Variants in ENO1 observed in about 807,000 individuals in gnomAD.
ENO1 encodes alpha-enolase.
In ENO1, 33 loss-of-function variants were observed where a neutral mutation model predicts 46.3. The ratio of observed to expected loss-of-function variants is 0.71; its 90% confidence interval spans 0.54 to 0.95. ENO1 has a LOEUF of 0.95. Among genes scored for constraint, ENO1 ranks in the 40% least tolerant of loss-of-function variants. ENO1 has a pLI of 0.00. For synonymous variants in ENO1, 220 were observed against 216.0 expected (o/e 1.02, Z -0.16); for missense variants, 488 against 553.3 (o/e 0.88, Z 1.18).
At chr1:8,863,127 T>C in intron 10 of ENO1, 108 bp downstream of exon 10, 7 of 1,404,622 alleles carry the variant, frequency 5.0e-6, no homozygotes, top group Non-Finnish European at 6.8e-6. Context: ...ACAAGAGCAC[T>C]GACTCAGGGG....
intron 1 of ENO1, among the ~76,000 whole-genome samples, chr1:8,875,270 A>T (rs1022798904): frequency 3.3e-5 from 5 of 152,146 alleles, no homozygotes; most frequent in African/African-American, 7.2e-5. Context: ...AAATGGGTTA[A>T]ACCCTAGCAA....
intron 3 of ENO1, 139 bp from the exon 4 acceptor site, chr1:8,870,649 T>G (rs905233792): frequency 1.2e-5 from 18 of 1,503,944 alleles, no homozygotes; most frequent in Non-Finnish European, 1.6e-5. Context: ...CCCTCTCCCC[T>G]TTCCCCCCAG....
intron 11 of ENO1, among the ~76,000 whole-genome samples, chr1:8,862,593 A>C (rs565079229): frequency 1.7e-4 from 26 of 152,354 alleles, no homozygotes; most frequent in African/African-American, 5.8e-4. Context: ...TGAAAGCTCT[A>C]AGAAAGTCAT....
chr1:8,870,642 TCTCCCCTTTCCCCCC>T, intron 3 of ENO1, 132 bp from the exon 4 acceptor site: 1 of 1,511,478 alleles, frequency 6.6e-7, no homozygotes, highest in Non-Finnish European at 8.9e-7. Context: ...CTCTTCCCCC[TCTCCCCTTTCCCCCC>T]AGAATCGGAG....
Position 8,866,366 on chromosome 1 carries a change from T to C in ENO1, c.580A>G (p.Asn194Asp). Residue 194 changes from asparagine to aspartate, a missense_variant, in exon 7 of 12, where the codon AAT becomes GAT. Physicochemically the swap from Asn to Asp is conservative, Grantham distance 23. Transcript: ENST00000234590. ...TTCCCATATTTCTCCTTGATGACAT[T>C]CTTCAGGTTGTGGTAAACCTCTGCT... is the stretch of plus-strand genomic sequence containing the variant. ...IGAEVYHNLK[N>D]VIKEKYGKDA... is the part of the protein sequence containing the mutation. The C allele has an allele frequency of 1.2e-6, 2 of 1,614,192 alleles. No homozygotes were observed. The highest frequency in any genetic ancestry group is 1.3e-5 in the African/African-American group (1 of 75,054).
intron 7 of ENO1, 169 bp downstream of exon 7, chr1:8,866,110 A>G: frequency 1.8e-6 from 1 of 567,968 alleles, no homozygotes; most frequent in Non-Finnish European, 3.0e-6. Flanking sequence ...AATAAGTAAA[A>G]TAAAATGAAG....
At position 8,863,140 on chromosome 1, in the gene ENO1, A is replaced by G. The variant is rs148231787; in HGVS notation, c.1176+95T>C. On this transcript the variant is annotated intron_variant, in intron 10 of 11. Transcript: ENST00000234590. Reference sequence around the variant, plus strand: ...AAACAAGAGCACTGACTCAGGGGACATGAGCAAAACGGGGACAGACATGGA... The same window carrying G: ...AAACAAGAGCACTGACTCAGGGGACGTGAGCAAAACGGGGACAGACATGGA... 475 of 1,463,306 alleles carry G rather than the reference A, an allele frequency of 3.2e-4. No homozygotes were observed. The African/African-American group carries it at 6.1e-3, about 19-fold the overall frequency. 90.6% of individuals were successfully genotyped at this position (1,463,306 alleles called of 1,614,324 possible).
At position 8,861,448 on chromosome 1, in the gene ENO1, A is replaced by G. The variant is rs375928157; in HGVS notation, c.1236-19T>C. ...TTCAATTCTTGGGAAGGAGAAAGGT[A>G]AAGAGATGGGGAGGAAAAAAGAAAA... On this transcript the variant is annotated intron_variant, in intron 11 of 11. Coordinates refer to ENST00000234590, the MANE Select transcript of ENO1 (RefSeq NM_001428.5). The G allele has an allele frequency of 1.4e-5, 22 of 1,613,870 alleles. No homozygotes were observed. In the Middle Eastern group the frequency reaches 8.2e-4, roughly 60 times the overall value.
rs1396357518 is a variant in ENO1 at position 8,861,387 on chromosome 1, C to G, written c.1278G>C (p.Arg426Ser). The change falls in exon 12 of 12, where the codon AGG (arginine) becomes AGC (serine). Residue 426 changes from arginine to serine, a missense_variant. By Grantham distance (110) the Arg-to-Ser change is moderately radical (BLOSUM62 -1). Coordinates refer to ENST00000234590, the MANE Select transcript of ENO1 (RefSeq NM_001428.5). ...ELGSKAKFAGRNFRNPLAK is the reference protein window; with the variant it reads ...ELGSKAKFAGSNFRNPLAK ...ACTTGGCCAAGGGGTTTCTGAAGTT[C>G]CTGCCGGCAAACTTAGCCTTGCTGC... 1.2e-6 allele frequency: 2 copies of G among 1,614,062 alleles called. No homozygotes were observed. The highest frequency in any genetic ancestry group is 4.5e-5 in the East Asian group (2 of 44,890).
Position 8,874,868 on chromosome 1 carries a change from G to C in ENO1, c.41C>G (p.Ser14Cys). The change falls in exon 2 of 12, where the codon TCT becomes TGT. Residue 14 changes from serine (S) to cysteine (C), a missense_variant. Ser to Cys is a moderately radical substitution (Grantham distance 112). Coordinates refer to ENST00000234590, the MANE Select transcript of ENO1 (RefSeq NM_001428.5). ...AACCTCAACAGTGGGATTCCCGCGA[G>C]AGTCAAAGATCTCCCTGGCATGGAT... ...LKIHAREIFD[S>C]RGNPTVEVDL... is the part of the protein sequence containing the mutation. The C allele has an allele frequency of 6.2e-7, 1 of 1,613,868 alleles. No individual in the cohort carries two copies. Among genetic ancestry groups the C allele is most frequent in the Non-Finnish European group, 8.5e-7 (1 of 1,179,862 alleles).
intron 1 of ENO1, among the ~76,000 whole-genome samples, chr1:8,877,094 A>T (rs1642750881): frequency 2.0e-5 from 3 of 151,662 alleles, no homozygotes; most frequent in African/African-American, 7.3e-5. Flanking sequence ...AGTAGCTGGG[A>T]CTACAGGCGC....
rs1569899370 is a variant in ENO1 at position 8,865,436 on chromosome 1, A to T, written c.714T>A (p.Asp238Glu). ...CTACGTCCATGCCGATGACCACCTT[A>T]TCAGTGTAGCCAGCTTTCCCAATAG... The part of the protein sequence containing the change: ...KTAIGKAGYT[D>E]KVVIGMDVAA... Residue 238 changes from aspartate (D) to glutamate (E), a missense_variant, in exon 8 of 12, where the codon GAT (aspartate) becomes GAA (glutamate). Transcript: ENST00000234590. The T allele has an allele frequency of 6.2e-7, 1 of 1,613,800 alleles. No homozygotes were observed.
intron 4 of ENO1, among the ~76,000 whole-genome samples, chr1:8,869,970 G>A (rs745981081): frequency 1.3e-5 from 2 of 152,202 alleles, no homozygotes; most frequent in African/African-American, 2.4e-5. Context: ...CTGCAGAGTC[G>A]GGTGGGTTGC....
chr1:8,873,153 G>A (rs1013107607), intron 2 of ENO1, among the ~76,000 whole-genome samples: 5 of 152,206 alleles, frequency 3.3e-5, no homozygotes, highest in African/African-American at 7.2e-5. Context: ...ATGAAAACAA[G>A]AGGCTTGGAG....
At chr1:8,861,474 G>C (rs965386204) in intron 11 of ENO1, 45 bp from the exon 12 acceptor site, 1 of 1,606,864 alleles carries the variant, frequency 6.2e-7, no homozygotes, top group African/African-American at 1.3e-5. Context: ...AAAAAGAAAA[G>C]TCAGACCTCA....
chr1:8,865,260 G>T, intron 8 of ENO1, 25 bp downstream of exon 8: 2 of 1,611,890 alleles, frequency 1.2e-6, no homozygotes, highest in Non-Finnish European at 1.7e-6. Flanking sequence ...GCAGGAAAGG[G>T]AGATGGCACT....
intron 11 of ENO1, among the ~76,000 whole-genome samples, chr1:8,862,430 G>A (rs1481983497): frequency 6.6e-6 from 1 of 152,224 alleles, no homozygotes. Flanking sequence ...CAAGGACACA[G>A]ACAGGAAAGG....
At chr1:8,868,611 C>A (rs1400443327) in intron 4 of ENO1, among the ~76,000 whole-genome samples, 5 of 152,182 alleles carry the variant, frequency 3.3e-5, no homozygotes, top group Non-Finnish European at 7.3e-5. Context: ...TTTGATGAGA[C>A]TATAAAGTAA....
chr1:8,873,212 T>G (rs570941219), intron 2 of ENO1, among the ~76,000 whole-genome samples: 3 of 152,324 alleles, frequency 2.0e-5, no homozygotes, highest in African/African-American at 7.2e-5. Flanking sequence ...TTGACCACTC[T>G]AGTGGGGATG....
Sources: gnomAD v4.1 joint callset for allele counts (sites outside exome capture counted in the v4.1 genomes callset) on GRCh38, gnomAD v4.1.1 for gene constraint, MANE v1.5 for transcripts, NCBI Gene and HGNC (gene_info 2026-07-23, HGNC 2026-07-21) for gene names.